Variants in REC114 observed in about 807,000 individuals in gnomAD.
REC114 encodes meiotic recombination protein REC114.
Under a neutral mutation model 31.3 loss-of-function variants are expected in REC114, and 27 were observed. That is an observed-to-expected ratio of 0.86 (90% CI 0.64 to 1.19). REC114 has a LOEUF of 1.19. Ranked by LOEUF, REC114 falls within the 50% of genes most tolerant of loss-of-function variation. The probability of loss-of-function intolerance (pLI) is 0.00; values close to 1 mark genes in which losing one functional copy is unlikely to be tolerated. For synonymous variants in REC114, 134 were observed against 127.7 expected (o/e 1.05, Z -0.33); for missense variants, 344 against 326.9 (o/e 1.05, Z -0.40).
Position 73,473,842 on chromosome 15 carries a change from C to T in REC114, c.170C>T (p.Ser57Phe). 7 of 1,569,030 alleles carry T rather than the reference C, an allele frequency of 4.5e-6. No individual in the cohort carries two copies. The highest frequency in any genetic ancestry group is 5.2e-6 in the Non-Finnish European group (6 of 1,153,240). The change falls in exon 2 of 6, where the codon TCC becomes TTC. Residue 57 changes from serine to phenylalanine, a missense_variant. By Grantham distance (155) the Ser-to-Phe change is radical. Coordinates refer to ENST00000331090, the MANE Select transcript of REC114 (RefSeq NM_001042367.2). ...CTTCTCCCTTTCAAGGTTTTTGATT[C>T]CAATGAAGAATCTGGATATCTTGTT... ...APCPTWKVFDSNEESGYLVLT... is the reference protein window; with the variant it reads ...APCPTWKVFDFNEESGYLVLT...
intron 2 of REC114, among the ~76,000 whole-genome samples, chr15:73,481,425 C>A (rs538263765): frequency 6.6e-6 from 1 of 152,090 alleles, no homozygotes; most frequent in African/African-American, 2.4e-5. Flanking sequence ...TGGAGACATA[C>A]CACTAGACTG....
chr15:73,449,745 A>G (rs942328924), intron 1 of REC114, among the ~76,000 whole-genome samples: 4 of 152,236 alleles, frequency 2.6e-5, no homozygotes, highest in Non-Finnish European at 5.9e-5. Context: ...GGGCAGCCAG[A>G]GAGAAAGGTT....
chr15:73,452,847 A>G (rs1892869356), intron 1 of REC114, among the ~76,000 whole-genome samples: 1 of 152,236 alleles, frequency 6.6e-6, no homozygotes, highest in African/African-American at 2.4e-5. Context: ...CAACCATCTG[A>G]TCTTTGACAA....
At chr15:73,469,322 A>G (rs1893102619) in intron 1 of REC114, among the ~76,000 whole-genome samples, 1 of 152,108 alleles carries the variant, frequency 6.6e-6, no homozygotes, top group African/African-American at 2.4e-5. Context: ...ATCTTTCTTG[A>G]TTAATTGACC....
intron 2 of REC114, among the ~76,000 whole-genome samples, chr15:73,513,761 G>A (rs1314443660): frequency 1.3e-5 from 2 of 150,020 alleles, no homozygotes; most frequent in Admixed American, 6.6e-5. Context: ...CTGCTCGGGG[G>A]TCAGGGGTCA....
intron 2 of REC114, among the ~76,000 whole-genome samples, chr15:73,537,418 G>T (rs1894171061): frequency 6.6e-6 from 1 of 152,160 alleles, no homozygotes. Flanking sequence ...TGTTGAGGAG[G>T]AAGGGCACAC....
intron 2 of REC114, among the ~76,000 whole-genome samples, chr15:73,505,460 T>C (rs1455630760): frequency 6.6e-6 from 1 of 152,186 alleles, no homozygotes; most frequent in Non-Finnish European, 1.5e-5. Flanking sequence ...TTAGGATGCT[T>C]TTCTGTTCTA....
chr15:73,482,971 A>G (rs886204455), intron 2 of REC114, among the ~76,000 whole-genome samples: 1 of 151,526 alleles, frequency 6.6e-6, no homozygotes, highest in Admixed American at 6.6e-5. Context: ...GCAATAGTGC[A>G]TGACAGTTCC....
intron 1 of REC114, among the ~76,000 whole-genome samples, chr15:73,455,980 C>T (rs1892909498): frequency 6.6e-6 from 1 of 152,104 alleles, no homozygotes; most frequent in African/African-American, 2.4e-5. Context: ...AAATGATAGC[C>T]ATATAGTAAA....
At position 73,527,906 on chromosome 15, in the gene REC114, G is replaced by C. The variant is rs186169057; in HGVS notation, c.250-12579G>C. Among the ~76,000 whole-genome samples, 5 of 152,264 alleles carry C rather than the reference G, an allele frequency of 3.3e-5. No individual in the cohort carries two copies. In the East Asian group the frequency reaches 9.6e-4, roughly 29 times the overall value. ...ACGGGGGGGAAAAAAAGGCATTTCA[G>C]CTTCTGATACCTTGAGATTGCTAAG... On this transcript the variant is annotated intron_variant, in intron 2 of 5. Transcript: ENST00000331090.
chr15:73,494,771 T>C (rs930216484), intron 2 of REC114, among the ~76,000 whole-genome samples: 2 of 152,210 alleles, frequency 1.3e-5, no homozygotes, highest in African/African-American at 4.8e-5. Context: ...CTTTCTATAG[T>C]GGATCAGACA....
chr15:73,522,891 A>G (rs1042316883), intron 2 of REC114, among the ~76,000 whole-genome samples: 2 of 152,196 alleles, frequency 1.3e-5, no homozygotes, highest in African/African-American at 4.8e-5. Flanking sequence ...GTACACACCA[A>G]TCAGCAATGC....
chr15:73,478,724 T>C (rs368130123), intron 2 of REC114, among the ~76,000 whole-genome samples: 14 of 152,348 alleles, frequency 9.2e-5, no homozygotes, highest in African/African-American at 3.4e-4. Flanking sequence ...CTCCATTTAT[T>C]GATTTCTCTC....
At chr15:73,448,324 C>T (rs1322656611) in intron 1 of REC114, among the ~76,000 whole-genome samples, 7 of 152,206 alleles carry the variant, frequency 4.6e-5, no homozygotes, top group Non-Finnish European at 8.8e-5. Context: ...GAAGGGCATC[C>T]GCCATTGCTG....
At chr15:73,559,186 A>G (rs1405696033) in intron 5 of REC114, among the ~76,000 whole-genome samples, 1 of 152,164 alleles carries the variant, frequency 6.6e-6, no homozygotes, top group African/African-American at 2.4e-5. Context: ...TTTTTTTGGG[A>G]AGTGAAAGAA....
intron 2 of REC114, among the ~76,000 whole-genome samples, chr15:73,531,028 A>G (rs1894073443): frequency 1.3e-5 from 2 of 152,190 alleles, no homozygotes; most frequent in Admixed American, 6.5e-5. Context: ...GTGAACATTT[A>G]GAATTGTCAT....
intron 2 of REC114, among the ~76,000 whole-genome samples, chr15:73,474,846 T>G (rs969905986): frequency 1.3e-5 from 2 of 152,192 alleles, no homozygotes; most frequent in Non-Finnish European, 2.9e-5. Flanking sequence ...ATCTCACATG[T>G]GTATGTTGTG....
intron 4 of REC114, among the ~76,000 whole-genome samples, chr15:73,552,733 G>C (rs1230767612): frequency 6.6e-6 from 1 of 152,224 alleles, no homozygotes; most frequent in African/African-American, 2.4e-5. Flanking sequence ...TTTGAGAAGT[G>C]ATTTTTCCAA....
intron 2 of REC114, among the ~76,000 whole-genome samples, chr15:73,491,725 T>C (rs1893450717): frequency 1.3e-5 from 2 of 152,042 alleles, no homozygotes; most frequent in South Asian, 4.2e-4. Flanking sequence ...TAGTGAAACC[T>C]TGTCTCTACA....
Sources: gnomAD v4.1 joint callset for allele counts (sites outside exome capture counted in the v4.1 genomes callset) on GRCh38, gnomAD v4.1.1 for gene constraint, MANE v1.5 for transcripts, NCBI Gene and HGNC (gene_info 2026-07-23, HGNC 2026-07-21) for gene names.